Variants in ZNFX1 observed in about 807,000 individuals in gnomAD.
ZNFX1 encodes the protein zinc finger NFX1-type containing 1, also known as NFX1-type zinc finger-containing protein 1.
Under a neutral mutation model 179.8 loss-of-function variants are expected in ZNFX1, and 78 were observed. The observed-to-expected ratio is 0.43, with a 90% CI of 0.36 to 0.52. ZNFX1 has a LOEUF of 0.52. Among genes scored for constraint, ZNFX1 ranks in the 20% least tolerant of loss-of-function variants. The pLI, the probability that ZNFX1 is intolerant of heterozygous loss-of-function variation, is 0.00. For missense variants in ZNFX1, 1,927 were observed against 2,386.6 expected (o/e 0.81, Z 4.01); for synonymous variants, 848 against 868.5 (o/e 0.98, Z 0.42).
At position 49,264,876 on chromosome 20, in the gene ZNFX1, A is replaced by C; in HGVS notation, c.2003-12T>G. ...ACAATTGTAGATGCCTGTGGAACAA[A>C]GTGGAGCATGGCAGGGTTGAGAGGA... On this transcript the variant is annotated splice_polypyrimidine_tract_variant and intron_variant, in intron 4 of 13. Coordinates refer to ENST00000396105, the MANE Select transcript of ZNFX1 (RefSeq NM_021035.3). 6.2e-7 allele frequency: 1 copy of C among 1,614,190 alleles called. No homozygotes were observed. The highest frequency in any genetic ancestry group is 8.5e-7 in the Non-Finnish European group (1 of 1,180,032).
intron 6 of ZNFX1, among the ~76,000 whole-genome samples, chr20:49,262,721 A>G (rs749305950): frequency 6.6e-6 from 1 of 152,312 alleles, no homozygotes; most frequent in South Asian, 2.1e-4. Flanking sequence ...CACTTTACAG[A>G]GACTGTCTCA....
At chr20:49,263,560 C>A in intron 5 of ZNFX1, 77 bp from the exon 6 acceptor site, 1 of 1,504,308 alleles carries the variant, frequency 6.6e-7, no homozygotes, top group Non-Finnish European at 9.0e-7. Flanking sequence ...TGAGGGAAAG[C>A]AAAGCTAAGA....
At position 49,249,608 on chromosome 20, in the gene ZNFX1, T is replaced by G. The variant is rs1223848141; in HGVS notation, c.3416A>C (p.Glu1139Ala). 37 of 1,614,226 alleles carry G rather than the reference T, an allele frequency of 2.3e-5. No individual in the cohort carries two copies. Among genetic ancestry groups the G allele is most frequent in the Non-Finnish European group, 3.1e-5 (37 of 1,180,032 alleles). The change falls in exon 14 of 14, where the codon GAG becomes GCG. Residue 1139 changes from glutamate to alanine, a missense_variant. Coordinates refer to ENST00000396105, the MANE Select transcript of ZNFX1 (RefSeq NM_021035.3). ...QNQHEAHFVV[E>A]LCKYFLCQEY... ...CTGGCACAGGAAGTACTTGCACAGC[T>G]CTACCACAAAGTGAGCCTCATGCTG...
chr20:49,255,012 G>A (rs942000383), intron 9 of ZNFX1, among the ~76,000 whole-genome samples: 1 of 149,836 alleles, frequency 6.7e-6, no homozygotes, highest in African/African-American at 2.4e-5. Context: ...GTCACTAATC[G>A]CTGTAAAACT....
intron 9 of ZNFX1, among the ~76,000 whole-genome samples, chr20:49,254,973 GTATT>G (rs1475033167): frequency 2.0e-5 from 3 of 151,442 alleles, no homozygotes; most frequent in African/African-American, 7.3e-5. Context: ...TCTCCATAGA[GTATT>G]TATTTTATTA....
chr20:49,253,603 C>T (rs1980896491), intron 11 of ZNFX1, 63 bp downstream of exon 11: 1 of 1,601,488 alleles, frequency 6.2e-7, no homozygotes, highest in Non-Finnish European at 8.5e-7. Context: ...AGGCCAGGGT[C>T]TTCCTTTATG....
At chr20:49,277,900 T>C (rs3818062) in intron 1 of ZNFX1, 121 bp downstream of exon 1, 2,351 of 152,738 alleles carry the variant, frequency 0.015, 59 homozygotes, top group South Asian at 0.07. Context: ...GACGGGTGCG[T>C]TGGGGGCTTG....
At chr20:49,252,679 T>A in intron 12 of ZNFX1, 41 bp downstream of exon 12, 1 of 1,503,228 alleles carries the variant, frequency 6.7e-7, no homozygotes, top group Non-Finnish European at 9.3e-7. Context: ...CCAGGAGCTT[T>A]CTCCTGGGCA....
chr20:49,270,013 T>C lies in ZNFX1; in HGVS notation c.1799A>G (p.Asp600Gly), dbSNP rs200727341. Reference sequence around the variant, plus strand: ...AAACTGCAAGGCTTCCATCTGGGAGTCATCCAGCTTCAGGGCTTCTTTTGA... The same window carrying C: ...AAACTGCAAGGCTTCCATCTGGGAGCCATCCAGCTTCAGGGCTTCTTTTGA... ...WPSKEALKLD[D>G]SQMEALQFAL... The change falls in exon 3 of 14, where the codon GAC (aspartate) becomes GGC (glycine). Residue 600 changes from aspartate to glycine, a missense_variant. Coordinates refer to ENST00000396105, the MANE Select transcript of ZNFX1 (RefSeq NM_021035.3). The surrounding 1 kb of genome is among the most constrained non-coding windows in gnomAD (Gnocchi z 4.6). 1 of 1,614,036 alleles carries C rather than the reference T, an allele frequency of 6.2e-7. No homozygotes were observed. Among genetic ancestry groups the C allele is most frequent in the African/African-American group, 1.3e-5 (1 of 75,010 alleles).
rs1980659597 is a variant in ZNFX1, at chr20:49,245,948, T to TAAAG, written c.*1315_*1318dup. 6.6e-6 allele frequency: 1 copy of TAAAG among 152,510 alleles called. No individual in the cohort carries two copies. The highest frequency in any genetic ancestry group is 1.5e-5 in the Non-Finnish European group (1 of 67,992). 9.4% of individuals were successfully genotyped at this position (152,510 alleles called of 1,614,324 possible). A position where few individuals can be genotyped will look rare whatever the true frequency, so the allele number is the denominator to read the frequency against. ...TGGCTTTATAAGCTAAAGTGCATAGTAAAGACAAAAAAAGGAAATGCATAC... is the reference window on the plus strand; with the variant it reads ...TGGCTTTATAAGCTAAAGTGCATAGTAAAGAAAGACAAAAAAAGGAAATGCATAC... On this transcript the variant is annotated 3_prime_UTR_variant, in exon 14 of 14. Transcript: ENST00000396105.
At chr20:49,258,114 TGAGA>T (rs1981017835) in intron 7 of ZNFX1, among the ~76,000 whole-genome samples, 1 of 150,720 alleles carries the variant, frequency 6.6e-6, no homozygotes. Flanking sequence ...TTTTTTTTTT[TGAGA>T]CGGAGTTTCA....
intron 7 of ZNFX1, among the ~76,000 whole-genome samples, chr20:49,260,224 G>A (rs984826844): frequency 2.0e-5 from 3 of 151,068 alleles, no homozygotes; most frequent in Non-Finnish European, 4.4e-5. Context: ...GGAAGGTGGA[G>A]GTTGCAGTGA....
At position 49,246,953 on chromosome 20, in the gene ZNFX1, C is replaced by A. The variant is rs1474521885; in HGVS notation, c.*314G>T. ...GCATGATCTCAGCTCACTGCAACCT[C>A]CGCCTCCTGGGTTTAAGCGATTCTT... On this transcript the variant is annotated 3_prime_UTR_variant, in exon 14 of 14. Transcript: ENST00000396105. 2.2e-6 allele frequency: 1 copy of A among 457,036 alleles called. No homozygotes were observed. Among genetic ancestry groups the A allele is most frequent in the Admixed American group, 2.6e-5 (1 of 38,688 alleles). The allele number at this position is 457,036 out of a possible 1,614,324, so 28.3% of individuals were successfully genotyped here. A position where few individuals can be genotyped will look rare whatever the true frequency, so the allele number is the denominator to read the frequency against.
chr20:49,264,686 T>C, intron 5 of ZNFX1, 30 bp downstream of exon 5: 1 of 1,610,164 alleles, frequency 6.2e-7, no homozygotes, highest in South Asian at 1.1e-5. Context: ...CCTCTTGAAC[T>C]ACCCCAGATA....
At chr20:49,268,924 A>G (rs772230912) in intron 3 of ZNFX1, among the ~76,000 whole-genome samples, 3 of 152,266 alleles carry the variant, frequency 2.0e-5, no homozygotes, top group Non-Finnish European at 4.4e-5. Context: ...ACATTAGTTC[A>G]GCCACTGTGG....
At chr20:49,258,702 A>G (rs1981036809) in intron 7 of ZNFX1, among the ~76,000 whole-genome samples, 1 of 152,042 alleles carries the variant, frequency 6.6e-6, no homozygotes, top group Non-Finnish European at 1.5e-5. Flanking sequence ...GCTACCTGGG[A>G]GGCTGAGGCA....
rs1382663723 is a variant in ZNFX1 at position 49,254,659 on chromosome 20, G to A, written c.2805-10C>T. On this transcript the variant is annotated splice_polypyrimidine_tract_variant and intron_variant, in intron 9 of 13. Transcript: ENST00000396105. ...CAACTGTAGCCAGAGCCTGGAGAAT[G>A]GGAAGAACCAAGGAAAGAAAGCCAC... 2.5e-6 allele frequency: 4 copies of A among 1,611,768 alleles called. No individual in the cohort carries two copies. The African/African-American group carries it at 4.0e-5, about 16-fold the overall frequency.
chr20:49,270,178 T>C lies in ZNFX1; in HGVS notation c.1634A>G (p.Glu545Gly), dbSNP rs1254187746. The change falls in exon 3 of 14, where the codon GAG becomes GGG. Residue 545 changes from glutamate to glycine, a missense_variant. Transcript: ENST00000396105. The surrounding 1 kb of genome is among the most constrained non-coding windows in gnomAD (Gnocchi z 4.6). Reference protein sequence around the residue: ...NIVECNSHVKEPRYLLMGGRY... With the variant: ...NIVECNSHVKGPRYLLMGGRY... ...GCCCCCCATTAGCAAGTACCTTGGC[T>C]CCTTCACATGAGAGTTACACTCCAC... The C allele has an allele frequency of 1.1e-5, 18 of 1,614,068 alleles. No homozygotes were observed. The highest frequency in any genetic ancestry group is 1.4e-5 in the Non-Finnish European group (16 of 1,180,022).
intron 9 of ZNFX1, 143 bp downstream of exon 9, chr20:49,255,665 A>C: frequency 2.2e-6 from 2 of 898,422 alleles, no homozygotes; most frequent in Middle Eastern, 4.9e-4. Flanking sequence ...ATTCTATCCC[A>C]TGGCTGTATC....
Sources: gnomAD v4.1 joint callset for allele counts (sites outside exome capture counted in the v4.1 genomes callset) on GRCh38, gnomAD v4.1.1 for gene constraint, Gnocchi (gnomAD v3.1) non-coding constraint, MANE v1.5 for transcripts, NCBI Gene and HGNC (gene_info 2026-07-23, HGNC 2026-07-21) for gene names.